The following DMD variants were observed in gnomAD, a reference collection of about 807,000 sequenced individuals.
The protein encoded by DMD is dystrophin, also known as mutant dystrophin.
In DMD, 63 loss-of-function variants were observed where a neutral mutation model predicts 330.1. The ratio of observed to expected loss-of-function variants is 0.19; its 90% CI spans 0.16 to 0.24. DMD has a LOEUF of 0.24. Among genes scored for constraint, DMD ranks in the 10% least tolerant of loss-of-function variants. The pLI, the probability that DMD is intolerant of heterozygous loss-of-function variation, is 1.00. For missense variants in DMD, 3,344 were observed against 2,684.1 expected, an observed-to-expected ratio of 1.25 and a Z score of -5.43; for synonymous variants, 1,223 against 959.8, an observed-to-expected ratio of 1.27 and a Z score of -5.07.
At chrX:31,720,837 T>G (rs1172818861) in intron 52 of DMD, among the ~76,000 whole-genome samples, 1 of 111,413 alleles carries the variant, frequency 9.0e-6, no homozygotes, top group African/African-American at 3.2e-5. Context: ...ATAAACTCAC[T>G]TGAAAGATTT....
intron 7 of DMD, among the ~76,000 whole-genome samples, chrX:32,704,624 G>A (rs2064440023): frequency 8.9e-6 from 1 of 112,391 alleles, no homozygotes; most frequent in South Asian, 3.7e-4. Flanking sequence ...AGTCTTTTAA[G>A]AGTTTTATTA....
intron 47 of DMD, among the ~76,000 whole-genome samples, chrX:31,912,735 A>C (rs762378117): frequency 4.3e-4 from 48 of 111,558 alleles, no homozygotes; most frequent in African/African-American, 1.5e-3. Context: ...GAGACCACAG[A>C]GAGATGACAC....
At chrX:33,211,578 T>C, upstream of DMD, 1 of 1,009,098 alleles carries the variant, frequency 9.9e-7, no homozygotes, top group Non-Finnish European at 1.3e-6. Context: ...CCCCCGGATA[T>C]TTCAAATTCC....
At chrX:32,535,074 A>C (rs2047830853) in intron 17 of DMD, among the ~76,000 whole-genome samples, 1 of 111,725 alleles carries the variant, frequency 9.0e-6, no homozygotes, top group Non-Finnish European at 1.9e-5. Flanking sequence ...ATTGTTTTTT[A>C]AATGTAAACG....
chrX:32,040,248 G>A (rs1569535626), intron 44 of DMD, among the ~76,000 whole-genome samples: 2 of 111,485 alleles, frequency 1.8e-5, no homozygotes, highest in Non-Finnish European at 3.8e-5. Context: ...GTGTGTGTGT[G>A]TAAGCGTGTG....
At chrX:33,315,094 C>T (rs1312782692) in intron 1 of DMD, among the ~76,000 whole-genome samples, 2 of 112,272 alleles carry the variant, frequency 1.8e-5, no homozygotes, top group Admixed American at 1.9e-4. Context: ...GCTGGGATTA[C>T]AGGCATGAGC....
chrX:32,714,601 A>T (rs1181925712), intron 7 of DMD, among the ~76,000 whole-genome samples: 1 of 111,594 alleles, frequency 9.0e-6, no homozygotes, highest in African/African-American at 3.3e-5. Context: ...TATTACGCAT[A>T]GTGCTCCAGT....
chrX:32,124,893 G>A (rs1399505100), intron 44 of DMD, among the ~76,000 whole-genome samples: 1 of 108,104 alleles, frequency 9.3e-6, no homozygotes, highest in Non-Finnish European at 1.9e-5. Context: ...GAGACAGTGA[G>A]CAGATTCCCT....
chrX:32,422,571 G>A (rs772059360), intron 29 of DMD, among the ~76,000 whole-genome samples: 49 of 111,748 alleles, frequency 4.4e-4, no homozygotes, highest in African/African-American at 1.5e-3. Context: ...CAGAATATAC[G>A]AAACATAGTG....
At chrX:32,600,431 T>C (rs891395092) in intron 12 of DMD, among the ~76,000 whole-genome samples, 3 of 110,693 alleles carry the variant, frequency 2.7e-5, no homozygotes, top group African/African-American at 9.9e-5. Context: ...TTTACTTGTC[T>C]ATTTCTTTTG....
intron 34 of DMD, among the ~76,000 whole-genome samples, chrX:32,375,441 G>A (rs2038354): frequency 7.2e-5 from 8 of 110,739 alleles, no homozygotes; most frequent in Admixed American, 3.8e-4. Flanking sequence ...ATTACTAAGC[G>A]TTATCTTACA....
At chrX:32,398,888 G>GC (rs1283728777) in intron 30 of DMD, among the ~76,000 whole-genome samples, 34 of 111,057 alleles carry the variant, frequency 3.1e-4, no homozygotes, top group African/African-American at 1.0e-3. Context: ...TGGCTTAAGC[G>GC]CAAACACACA....
chrX:32,347,283 G>A (rs2097767328), intron 38 of DMD, among the ~76,000 whole-genome samples: 1 of 111,504 alleles, frequency 9.0e-6, no homozygotes, highest in Admixed American at 9.6e-5. Flanking sequence ...CTAGGGCTGA[G>A]GACAAAAACA....
At chrX:33,189,102 C>T (rs1312053745) in intron 1 of DMD, among the ~76,000 whole-genome samples, 2 of 111,605 alleles carry the variant, frequency 1.8e-5, no homozygotes, top group Non-Finnish European at 3.8e-5. Flanking sequence ...TCAGATCATT[C>T]TCATTCTCCC....
At chrX:32,656,202 C>A (rs73451028) in intron 9 of DMD, among the ~76,000 whole-genome samples, 1 of 111,748 alleles carries the variant, frequency 8.9e-6, no homozygotes, top group Non-Finnish European at 1.9e-5. Flanking sequence ...GTCATTAAGA[C>A]GTAAATGGGC....
chrX:32,945,364 T>C (rs761606596), intron 2 of DMD, among the ~76,000 whole-genome samples: 123 of 111,608 alleles, frequency 1.1e-3, no homozygotes, highest in African/African-American at 3.9e-3. Flanking sequence ...TTTTCTTTTC[T>C]TAATGAGCTT....
intron 17 of DMD, among the ~76,000 whole-genome samples, chrX:32,531,164 T>C (rs956276665): frequency 1.8e-5 from 2 of 111,730 alleles, no homozygotes; most frequent in African/African-American, 6.5e-5. Context: ...ACAAATAATA[T>C]GTAAGTAAGA....
chrX:32,478,217 T>TC (rs1253257931), intron 21 of DMD, among the ~76,000 whole-genome samples: 4 of 111,108 alleles, frequency 3.6e-5, no homozygotes, highest in African/African-American at 1.3e-4. Context: ...GAATATGAAA[T>TC]CGAGTCCAAT....
chrX:31,328,030 T>C (rs999163624), intron 61 of DMD, among the ~76,000 whole-genome samples: 1 of 112,334 alleles, frequency 8.9e-6, no homozygotes, highest in East Asian at 2.8e-4. Flanking sequence ...TTCTCTAAGA[T>C]GAATGCTTAA....
Sources: allele counts gnomAD v4.1 joint callset (sites outside exome capture counted in the v4.1 genomes callset), GRCh38; gene constraint gnomAD v4.1.1; transcripts MANE v1.5; gene names NCBI Gene and HGNC (gene_info 2026-07-23, HGNC 2026-07-21).